The following WWOX variants were observed in gnomAD, a reference collection of about 807,000 sequenced individuals.
WWOX encodes WW domain-containing oxidoreductase.
A neutral mutation model predicts 46.2 loss-of-function variants in WWOX; 69 were observed. That is an observed-to-expected ratio of 1.49 (90% CI 1.23 to 1.82). WWOX has a LOEUF of 1.82. Ranked by LOEUF, WWOX falls within the 40% of genes most tolerant of loss-of-function variation. The pLI is 0.00. For missense variants in WWOX, 919 were observed against 542.6 expected, an observed-to-expected ratio of 1.69 and a Z score of -6.89; for synonymous variants, 359 against 202.6, an observed-to-expected ratio of 1.77 and a Z score of -6.56.
intron 8 of WWOX, among the ~76,000 whole-genome samples, chr16:78,508,559 T>A (rs2085275631): frequency 6.6e-6 from 1 of 152,136 alleles, no homozygotes; most frequent in South Asian, 2.1e-4. Flanking sequence ...CAGTCCCTAT[T>A]CTTAGGTTTT....
chr16:78,556,153 G>T (rs115528403), intron 8 of WWOX, among the ~76,000 whole-genome samples: 2,885 of 151,956 alleles, frequency 0.019, 48 homozygotes, highest in African/African-American at 0.049. Context: ...ACGCAAGAGG[G>T]TCAATTAGGC....
chr16:78,603,994 A>G (rs2045685352), intron 8 of WWOX, among the ~76,000 whole-genome samples: 1 of 152,022 alleles, frequency 6.6e-6, no homozygotes, highest in South Asian at 2.1e-4. Context: ...ATAGAAGAAA[A>G]TTAGTTGGCC....
intron 5 of WWOX, among the ~76,000 whole-genome samples, chr16:78,196,538 G>A (rs1269236379): frequency 6.6e-6 from 1 of 152,132 alleles, no homozygotes; most frequent in Non-Finnish European, 1.5e-5. Context: ...TACCATGTTT[G>A]TATTGTTTGC....
chr16:78,384,910 T>G (rs1410860422), intron 5 of WWOX, among the ~76,000 whole-genome samples: 1 of 151,896 alleles, frequency 6.6e-6, no homozygotes, highest in African/African-American at 2.4e-5. Context: ...CCGGGGTGGG[T>G]GGATCACAAG....
Position 78,723,219 on chromosome 16 carries a change from T to C in WWOX, c.1056+290467T>C, listed in dbSNP as rs2048735417. ...TTCTTAGCAGCTACAGAATACTTAT[T>C]TTCTTCTTTATATTATAAGTTTATG... On this transcript the variant is annotated intron_variant, in intron 8 of 8. Coordinates refer to ENST00000566780, the MANE Select transcript of WWOX (RefSeq NM_016373.4). Among the ~76,000 whole-genome samples, 5 of 152,182 alleles carry C rather than the reference T, an allele frequency of 3.3e-5. No homozygotes were observed. The South Asian group carries it at 1.0e-3, about 32-fold the overall frequency.
chr16:79,094,847 C>T (rs1444205682), intron 8 of WWOX, among the ~76,000 whole-genome samples: 1 of 152,080 alleles, frequency 6.6e-6, no homozygotes, highest in Non-Finnish European at 1.5e-5. Flanking sequence ...ATTTATTGAG[C>T]CAACAGGTTT....
At chr16:79,094,889 C>G (rs1379905616) in intron 8 of WWOX, among the ~76,000 whole-genome samples, 4 of 152,112 alleles carry the variant, frequency 2.6e-5, no homozygotes, top group African/African-American at 9.7e-5. Flanking sequence ...GTCATCAGCC[C>G]AAACCAGATC....
chr16:78,603,562 C>G (rs1022018676), intron 8 of WWOX, among the ~76,000 whole-genome samples: 1 of 152,108 alleles, frequency 6.6e-6, no homozygotes, highest in Non-Finnish European at 1.5e-5. Context: ...GGCGTGGTGG[C>G]AGCCACCTGT....
intron 5 of WWOX, among the ~76,000 whole-genome samples, chr16:78,200,502 G>A (rs539500697): frequency 1.3e-5 from 2 of 150,060 alleles, no homozygotes; most frequent in African/African-American, 2.5e-5. Flanking sequence ...GTCTTGTCCA[G>A]GTGCTTAGTA....
chr16:78,911,337 A>G (rs775589536), intron 8 of WWOX, among the ~76,000 whole-genome samples: 5 of 152,028 alleles, frequency 3.3e-5, no homozygotes, highest in African/African-American at 7.2e-5. Flanking sequence ...CATAAATCAC[A>G]TATTTGTAAA....
chr16:78,524,678 C>G (rs1293006431), intron 8 of WWOX, among the ~76,000 whole-genome samples: 2 of 151,962 alleles, frequency 1.3e-5, no homozygotes, highest in Admixed American at 1.3e-4. Context: ...CTCAGCCTCC[C>G]AAAGTACTTG....
At chr16:78,881,234 G>A (rs913491608) in intron 8 of WWOX, among the ~76,000 whole-genome samples, 3 of 151,992 alleles carry the variant, frequency 2.0e-5, no homozygotes, top group Non-Finnish European at 4.4e-5. Flanking sequence ...AAACTCCTGG[G>A]CTCAAGCGAT....
At chr16:79,109,567 G>C (rs2049377246) in intron 8 of WWOX, among the ~76,000 whole-genome samples, 1 of 152,152 alleles carries the variant, frequency 6.6e-6, no homozygotes, top group African/African-American at 2.4e-5. Context: ...CAAAAGTGGA[G>C]AGCAATGTAA....
At chr16:78,476,280 A>C (rs765072071) in intron 8 of WWOX, among the ~76,000 whole-genome samples, 9 of 152,280 alleles carry the variant, frequency 5.9e-5, no homozygotes, top group Middle Eastern at 3.4e-3. Flanking sequence ...TTCTTTTGAG[A>C]AGTGTCTGAT....
chr16:78,975,534 G>A (rs2046554565), intron 8 of WWOX, among the ~76,000 whole-genome samples: 1 of 151,430 alleles, frequency 6.6e-6, no homozygotes, highest in Admixed American at 6.6e-5. Context: ...CTTTGCCCAT[G>A]AAATCTGAAT....
chr16:78,729,876 C>A (rs909786913), intron 8 of WWOX, among the ~76,000 whole-genome samples: 1 of 152,116 alleles, frequency 6.6e-6, no homozygotes, highest in Non-Finnish European at 1.5e-5. Context: ...TGGTCCCAAA[C>A]CCACAGGGCT....
chr16:78,420,040 A>G (rs2082886055), intron 6 of WWOX, among the ~76,000 whole-genome samples: 1 of 152,196 alleles, frequency 6.6e-6, no homozygotes, highest in Non-Finnish European at 1.5e-5. Flanking sequence ...GTTCAATCTC[A>G]TTAGGGAAAT....
At chr16:79,157,050 T>C (rs750564535) in intron 8 of WWOX, among the ~76,000 whole-genome samples, 16 of 152,242 alleles carry the variant, frequency 1.1e-4, no homozygotes, top group Non-Finnish European at 2.1e-4. Context: ...GCCATTCCTT[T>C]AGACATTTTG....
chr16:78,613,110 A>G (rs1477870183), intron 8 of WWOX, among the ~76,000 whole-genome samples: 1 of 152,046 alleles, frequency 6.6e-6, no homozygotes, highest in Non-Finnish European at 1.5e-5. Context: ...CTTCTCTTGC[A>G]TGGGGCCTTC....
Sources: allele counts gnomAD v4.1 joint callset (sites outside exome capture counted in the v4.1 genomes callset), GRCh38; gene constraint gnomAD v4.1.1; transcripts MANE v1.5; gene names NCBI Gene and HGNC (gene_info 2026-07-23, HGNC 2026-07-21).